NDE1: variants seen among roughly 807,000 people sequenced by gnomAD.
NDE1 encodes nudE neurodevelopment protein 1, also known as nuclear distribution protein nudE homolog 1.
In NDE1, 28 loss-of-function variants were observed where a neutral mutation model predicts 43.4. That is an observed-to-expected ratio of 0.65 (90% CI 0.48 to 0.89). NDE1 has a LOEUF of 0.89. Among genes scored for constraint, NDE1 ranks in the 40% least tolerant of loss-of-function variants. The pLI, the probability that NDE1 is intolerant of heterozygous loss-of-function variation, is 0.00. For synonymous variants in NDE1, 184 were observed against 172.0 expected, an observed-to-expected ratio of 1.07 and a Z score of -0.55; for missense variants, 441 against 434.1, an observed-to-expected ratio of 1.02 and a Z score of -0.14.
intron 8 of NDE1, among the ~76,000 whole-genome samples, chr16:15,710,668 T>C (rs532801273): frequency 6.6e-6 from 1 of 151,548 alleles, no homozygotes; most frequent in Non-Finnish European, 1.5e-5. Flanking sequence ...GCAGAGCACA[T>C]CTGAGGGTTT....
At chr16:15,649,900 A>C (rs1294116998), upstream of NDE1, among the ~76,000 whole-genome samples, 1 of 152,216 alleles carries the variant, frequency 6.6e-6, no homozygotes, top group Non-Finnish European at 1.5e-5. Flanking sequence ...GGGAAAATGC[A>C]ATCGAAGTGA....
intron 5 of NDE1, 149 bp downstream of exon 5, chr16:15,687,660 A>T: frequency 1.3e-6 from 1 of 785,316 alleles, no homozygotes; most frequent in East Asian, 2.6e-5. Flanking sequence ...GTCGGACTGC[A>T]CTGGGCAGAC....
intron 8 of NDE1, among the ~76,000 whole-genome samples, chr16:15,710,835 G>A (rs192617328): frequency 1.3e-3 from 195 of 152,110 alleles, no homozygotes; most frequent in African/African-American, 4.3e-3. Context: ...CTGCCACCAC[G>A]CCTAGCTGAT....
intron 8 of NDE1, chr16:15,697,146 G>T (rs980528873): frequency 2.4e-6 from 2 of 824,892 alleles, no homozygotes; most frequent in Non-Finnish European, 2.9e-6. Flanking sequence ...CAGCTCAAAC[G>T]ATCCTCCCAC....
At chr16:15,682,238 C>T (rs1357730992) in intron 4 of NDE1, among the ~76,000 whole-genome samples, 1 of 152,192 alleles carries the variant, frequency 6.6e-6, no homozygotes, top group Non-Finnish European at 1.5e-5. Context: ...GTCGCCCCTG[C>T]TGGAGTGCAG....
In NDE1 at chr16:15,650,278, T is replaced by G; in HGVS notation, c.-60T>G. The G allele has an allele frequency of 3.2e-6, 1 of 314,896 alleles. No homozygotes were observed. Among genetic ancestry groups the G allele is most frequent in the Non-Finnish European group, 6.5e-6 (1 of 152,720 alleles). The allele number at this position is 314,896 out of a possible 1,614,324, so 19.5% of individuals were successfully genotyped here. On this transcript the variant is annotated 5_prime_UTR_variant, in exon 1 of 9. Coordinates refer to ENST00000396354, the MANE Select transcript of NDE1 (RefSeq NM_017668.3). ...CTCTGCCGCCGCCGCCGCGTTGGCCTCGCCGCCCCTGCTCGGGTAAGTGAG... is the reference window on the plus strand; with the variant it reads ...CTCTGCCGCCGCCGCCGCGTTGGCCGCGCCGCCCCTGCTCGGGTAAGTGAG...
upstream of NDE1, among the ~76,000 whole-genome samples, chr16:15,645,352 G>A (rs746387175): frequency 2.6e-5 from 4 of 152,228 alleles, no homozygotes; most frequent in Non-Finnish European, 4.4e-5. Flanking sequence ...GAAAATGGGC[G>A]GGGCATGGTG....
chr16:15,704,171 T>A lies in NDE1; in HGVS notation c.947+7311T>A. Reference sequence around the variant, plus strand: ...TTATTTAGCAAAGAAATCTTCATGGTTGGGATAGATTTTTTATAAATCTAT... The same window carrying A: ...TTATTTAGCAAAGAAATCTTCATGGATGGGATAGATTTTTTATAAATCTAT... On this transcript the variant is annotated intron_variant, in intron 8 of 8. Coordinates refer to ENST00000396354, the MANE Select transcript of NDE1 (RefSeq NM_017668.3). The A allele has an allele frequency of 1.9e-6, 3 of 1,608,682 alleles. No homozygotes were observed. In the South Asian group the frequency reaches 3.3e-5, roughly 18 times the overall value.
chr16:15,691,480 A>G (rs755587063), intron 6 of NDE1, among the ~76,000 whole-genome samples, 157 bp downstream of exon 6: 39 of 151,862 alleles, frequency 2.6e-4, no homozygotes, highest in Non-Finnish European at 5.4e-4. Flanking sequence ...GTTCTTGGGG[A>G]TGGGCATTGA....
At chr16:15,668,724 T>TG (rs755521122) in intron 3 of NDE1, among the ~76,000 whole-genome samples, 2 of 152,224 alleles carry the variant, frequency 1.3e-5, no homozygotes, top group Non-Finnish European at 2.9e-5. Flanking sequence ...GAGCCACGTG[T>TG]GGCCAGTGAG....
chr16:15,724,173 C>T lies in NDE1; in HGVS notation c.948-18C>T, dbSNP rs1463240400. The T allele has an allele frequency of 4.3e-6, 7 of 1,613,602 alleles. No homozygotes were observed. Among genetic ancestry groups the T allele is most frequent in the Non-Finnish European group, 5.9e-6 (7 of 1,180,046 alleles). On this transcript the variant is annotated intron_variant, in intron 8 of 8. Transcript: ENST00000396354. The stretch of plus-strand genomic sequence containing the variant: ...CCACGCCCTCTACCTGATCAAATTT[C>T]CTCTGCTTCTTTTCCAGGTTGGACA...
chr16:15,658,039 G>A (rs1306178553), intron 1 of NDE1, among the ~76,000 whole-genome samples: 1 of 152,208 alleles, frequency 6.6e-6, no homozygotes, highest in Admixed American at 6.5e-5. Flanking sequence ...TAAATCAGGT[G>A]TGGCTGCATC....
chr16:15,694,395 G>A (rs2038911419), intron 7 of NDE1, 139 bp downstream of exon 7: 1 of 1,523,994 alleles, frequency 6.6e-7, no homozygotes, highest in Non-Finnish European at 8.8e-7. Context: ...GCTCAGGCTG[G>A]AGTGTAGTGG....
At chr16:15,651,383 T>A (rs2036491642) in intron 1 of NDE1, 1 of 152,042 alleles carries the variant, frequency 6.6e-6, no homozygotes, top group South Asian at 2.1e-4. Flanking sequence ...TAAAGCCTCT[T>A]GTTACCCGAC....
Position 15,721,483 on chromosome 16 carries a change from T to C in NDE1, c.948-2708T>C, listed in dbSNP as rs1060500727. ...TTCCATTTCGGCTTTGAGCATTTTG[T>C]TGGTCCGCTCGAGTTCCTCTTTGGC... On this transcript the variant is annotated intron_variant, in intron 8 of 8. Coordinates refer to ENST00000396354, the MANE Select transcript of NDE1 (RefSeq NM_017668.3). 3.1e-6 allele frequency: 5 copies of C among 1,614,206 alleles called. No homozygotes were observed. Among genetic ancestry groups the C allele is most frequent in the Middle Eastern group, 3.3e-4 (2 of 6,062 alleles).
chr16:15,692,106 C>CT (rs1406353938), intron 6 of NDE1, among the ~76,000 whole-genome samples: 1 of 152,076 alleles, frequency 6.6e-6, no homozygotes, highest in Non-Finnish European at 1.5e-5. Flanking sequence ...AGCCCCTCTG[C>CT]TGACAGCTTC....
In NDE1 at chr16:15,677,781, GTGTC is replaced by G; in HGVS notation, c.238-16_238-13del. The G allele has an allele frequency of 6.2e-7, 1 of 1,614,016 alleles. No homozygotes were observed. Among genetic ancestry groups the G allele is most frequent in the Non-Finnish European group, 8.5e-7 (1 of 1,179,964 alleles). ...TCAGAAGTCTTAAGTCATTCACTCA[GTGTC>G]TGTGTTGTCCTTCAGGAGAAGTTTG... On this transcript the variant is annotated splice_polypyrimidine_tract_variant and intron_variant, in intron 3 of 8. Transcript: ENST00000396354.
At chr16:15,717,359 G>C in intron 8 of NDE1, 1 of 1,604,152 alleles carries the variant, frequency 6.2e-7, no homozygotes, top group Non-Finnish European at 8.5e-7. Flanking sequence ...CTGGGGAGGA[G>C]AGTGAAGGCC....
upstream of NDE1, among the ~76,000 whole-genome samples, chr16:15,647,777 A>C (rs1361161484): frequency 6.6e-6 from 1 of 152,118 alleles, no homozygotes; most frequent in Non-Finnish European, 1.5e-5. Context: ...CTATAATCCC[A>C]GCACTTTGGG....
Sources: gnomAD v4.1 joint callset for allele counts (sites outside exome capture counted in the v4.1 genomes callset) on GRCh38, gnomAD v4.1.1 for gene constraint, MANE v1.5 for transcripts, NCBI Gene and HGNC (gene_info 2026-07-23, HGNC 2026-07-21) for gene names.